The following KLHL22 variants were observed in gnomAD, a reference collection of about 807,000 sequenced individuals.
KLHL22 encodes the protein kelch like family member 22.
Under a neutral mutation model 60.7 loss-of-function variants are expected in KLHL22, and 18 were observed. The observed-to-expected ratio is 0.30, with a 90% CI of 0.20 to 0.44. KLHL22 has a LOEUF of 0.44. KLHL22 is among the 20% of genes least tolerant of loss of function. The pLI, the probability that KLHL22 is intolerant of heterozygous loss-of-function variation, is 1.00. For synonymous variants in KLHL22, 355 were observed against 354.5 expected, an observed-to-expected ratio of 1.00 and a Z score of -0.01; for missense variants, 596 against 852.3, an observed-to-expected ratio of 0.70 and a Z score of 3.74.
At chr22:20,448,293 A>G (rs1453155730) in intron 5 of KLHL22, among the ~76,000 whole-genome samples, 1 of 152,038 alleles carries the variant, frequency 6.6e-6, no homozygotes, top group Non-Finnish European at 1.5e-5. Flanking sequence ...AATGCATTTC[A>G]GACTTTTGGA....
In KLHL22 at chr22:20,442,178, C is replaced by G; in HGVS notation, c.1800G>C (p.Glu600Asp). The G allele has an allele frequency of 6.4e-7, 1 of 1,570,142 alleles. No homozygotes were observed. Among genetic ancestry groups the G allele is most frequent in the Non-Finnish European group, 8.7e-7 (1 of 1,155,952 alleles). ...VLTLPRSLLLEPPRGTPDRSQ... is the reference protein window; with the variant it reads ...VLTLPRSLLLDPPRGTPDRSQ... ...TGCGGTCAGGGGTCCCGCGGGGCGGCTCAAGGAGCAGGGAGCGGGGCAGGG... is the reference window on the plus strand; with the variant it reads ...TGCGGTCAGGGGTCCCGCGGGGCGGGTCAAGGAGCAGGGAGCGGGGCAGGG... Residue 600 changes from glutamate (E) to aspartate (D), a missense_variant, in exon 7 of 7, where the codon GAG becomes GAC. Transcript: ENST00000328879.
chr22:20,477,443 T>A (rs956531956), intron 2 of KLHL22, among the ~76,000 whole-genome samples: 13 of 151,820 alleles, frequency 8.6e-5, no homozygotes, highest in African/African-American at 2.9e-4. Context: ...AAAGACCCCA[T>A]CTCTTAAAAA....
intron 4 of KLHL22, among the ~76,000 whole-genome samples, chr22:20,458,305 A>C (rs964258329): frequency 3.5e-5 from 4 of 115,710 alleles, no homozygotes; most frequent in Admixed American, 1.1e-4. Context: ...TTTTGTGGAG[A>C]GAGGTCTCTC....
chr22:20,468,010 A>G (rs1252002948), intron 3 of KLHL22, among the ~76,000 whole-genome samples: 1 of 152,210 alleles, frequency 6.6e-6, no homozygotes, highest in African/African-American at 2.4e-5. Context: ...TTAAAATTCA[A>G]AAGACATCTA....
chr22:20,486,829 G>A (rs1333137216), intron 2 of KLHL22, among the ~76,000 whole-genome samples: 1 of 151,710 alleles, frequency 6.6e-6, no homozygotes, highest in East Asian at 1.9e-4. Context: ...TTACAGGCAT[G>A]TGCTACCACG....
intron 6 of KLHL22, 102 bp downstream of exon 6, chr22:20,446,341 G>C: frequency 1.3e-6 from 1 of 765,490 alleles, no homozygotes; most frequent in Non-Finnish European, 2.2e-6. Context: ...CTAAAAAATA[G>C]TCTATTTTTA....
At chr22:20,451,182 G>A (rs71312762) in intron 5 of KLHL22, 1 of 1,594,562 alleles carries the variant, frequency 6.3e-7, no homozygotes, top group Non-Finnish European at 8.6e-7. Flanking sequence ...CAGCAGATGA[G>A]GATGGGGTCT....
At position 20,465,708 on chromosome 22, in the gene KLHL22, C is replaced by G; in HGVS notation, c.394-132G>C. 1.5e-6 allele frequency: 1 copy of G among 665,292 alleles called. No homozygotes were observed. The highest frequency in any genetic ancestry group is 2.7e-6 in the Non-Finnish European group (1 of 367,164). The allele number at this position is 665,292 out of a possible 1,614,324, so 41.2% of individuals were successfully genotyped here. On this transcript the variant is annotated intron_variant, in intron 3 of 6. Coordinates refer to ENST00000328879, the MANE Select transcript of KLHL22 (RefSeq NM_032775.4). The surrounding 1 kb of genome is among the most constrained non-coding windows in gnomAD (Gnocchi z 4.9). ...GAAGGGAAGTCCTCCTTAATTGTCCCCGACCTTTTCTGACACACTGGAGAC... is the reference window on the plus strand; with the variant it reads ...GAAGGGAAGTCCTCCTTAATTGTCCGCGACCTTTTCTGACACACTGGAGAC...
intron 2 of KLHL22, among the ~76,000 whole-genome samples, chr22:20,474,973 A>G (rs910185336): frequency 3.3e-5 from 5 of 152,182 alleles, no homozygotes; most frequent in Non-Finnish European, 7.4e-5. Flanking sequence ...ACTCACCACC[A>G]CAAAAGGGAA....
In KLHL22 at chr22:20,479,963, T is replaced by C. The variant is rs188003690; in HGVS notation, c.228-8448A>G. On this transcript the variant is annotated intron_variant, in intron 2 of 6. Transcript: ENST00000328879. ...TGGAAGCAAACCAAGTATCCCTTGATAGGTGAATAGACAAACAAAATGTGG... is the reference window on the plus strand; with the variant it reads ...TGGAAGCAAACCAAGTATCCCTTGACAGGTGAATAGACAAACAAAATGTGG... Among the ~76,000 whole-genome samples, 32 of 152,276 alleles carry C rather than the reference T, an allele frequency of 2.1e-4. No individual in the cohort carries two copies. The East Asian group carries it at 6.0e-3, about 28-fold the overall frequency.
chr22:20,448,619 T>C (rs949075616), intron 5 of KLHL22, among the ~76,000 whole-genome samples: 1 of 152,220 alleles, frequency 6.6e-6, no homozygotes. Flanking sequence ...TGCTGGAATA[T>C]AGTGGCACAA....
In KLHL22 at chr22:20,441,981, T is replaced by C; in HGVS notation, c.*92A>G. 2.2e-6 allele frequency: 3 copies of C among 1,335,246 alleles called. No individual in the cohort carries two copies. The highest frequency in any genetic ancestry group is 3.6e-5 in the South Asian group (2 of 55,338). 82.7% of individuals were successfully genotyped at this position (1,335,246 alleles called of 1,614,324 possible). A position where few individuals can be genotyped will look rare whatever the true frequency, so the allele number is the denominator to read the frequency against. The stretch of plus-strand genomic sequence containing the variant: ...CTGTGGCCAACAGGGGCAGGGGCCC[T>C]GCCTGGAGTAAAGTGCTCTGGCCTA... On this transcript the variant is annotated 3_prime_UTR_variant, in exon 7 of 7. Coordinates refer to ENST00000328879, the MANE Select transcript of KLHL22 (RefSeq NM_032775.4).
chr22:20,485,523 G>T (rs75179603), intron 2 of KLHL22, among the ~76,000 whole-genome samples: 5,451 of 152,250 alleles, frequency 0.036, 142 homozygotes, highest in Non-Finnish European at 0.055. Context: ...CTCTCCAGAG[G>T]AGGAGGCATC....
intron 1 of KLHL22, chr22:20,492,159 C>T (rs2053701926): frequency 6.6e-6 from 1 of 152,240 alleles, no homozygotes; most frequent in South Asian, 2.1e-4. Context: ...AGCCCTCCAA[C>T]TTGTCTAATT....
chr22:20,462,219 G>A (rs1376643296), intron 4 of KLHL22, among the ~76,000 whole-genome samples: 1 of 147,474 alleles, frequency 6.8e-6, no homozygotes, highest in Non-Finnish European at 1.5e-5. Context: ...AGAGGTTGCA[G>A]TGAGCCGAGA....
chr22:20,452,574 C>T (rs2052996837), intron 5 of KLHL22, among the ~76,000 whole-genome samples: 1 of 152,142 alleles, frequency 6.6e-6, no homozygotes, highest in Non-Finnish European at 1.5e-5. Context: ...ACACTGGAGA[C>T]AGCATAAAAG....
rs532862036 is a variant in KLHL22 at position 20,486,955 on chromosome 22, A to G, written c.227+2030T>C. 3.5e-4 allele frequency among the ~76,000 whole-genome samples: 53 copies of G among 150,258 alleles called. No individual in the cohort carries two copies. The South Asian group carries it at 0.011, about 31-fold the overall frequency. ...CTTGGCCTCCCGAAGTGCTGGAATT[A>G]TAGGAGTGAGCCACCAAGCCTGGCC... is the stretch of plus-strand genomic sequence containing the variant. On this transcript the variant is annotated intron_variant, in intron 2 of 6. Transcript: ENST00000328879.
chr22:20,488,921 C>T lies in KLHL22; in HGVS notation c.227+64G>A, dbSNP rs1252092308. 6 of 1,479,986 alleles carry T rather than the reference C, an allele frequency of 4.1e-6. No homozygotes were observed. The East Asian group carries it at 7.1e-5, about 18-fold the overall frequency. The allele number at this position is 1,479,986 out of a possible 1,614,324, so 91.7% of individuals were successfully genotyped here. A position where few individuals can be genotyped will look rare whatever the true frequency, so the allele number is the denominator to read the frequency against. On this transcript the variant is annotated intron_variant, in intron 2 of 6. Transcript: ENST00000328879. ...AGACCAGCCACTGTCACCGCCAGTA[C>T]CTTTACTAGCAGAGCCAGGATTACC...
intron 6 of KLHL22, among the ~76,000 whole-genome samples, chr22:20,444,779 TTTTG>T (rs150439544): frequency 1.0e-3 from 156 of 151,486 alleles, no homozygotes; most frequent in Middle Eastern, 6.8e-3. Flanking sequence ...GGATGCTCTT[TTTTG>T]TTTGTTTGTT....
Sources: allele counts gnomAD v4.1 joint callset (sites outside exome capture counted in the v4.1 genomes callset), GRCh38; gene constraint gnomAD v4.1.1; non-coding constraint Gnocchi (gnomAD v3.1); transcripts MANE v1.5; gene names NCBI Gene and HGNC (gene_info 2026-07-23, HGNC 2026-07-21).